EIPR1: variants seen among roughly 807,000 people sequenced by gnomAD.
EIPR1 encodes EARP complex and GARP complex interacting protein 1, also known as EARP and GARP complex-interacting protein 1.
EIPR1 carries 25 observed loss-of-function variants against 48.1 expected under a neutral mutation model. The ratio of observed to expected loss-of-function variants is 0.52; its 90% CI spans 0.38 to 0.73. The LOEUF is 0.73. Among genes scored for constraint, EIPR1 ranks in the 30% least tolerant of loss-of-function variants. The pLI, the probability that EIPR1 is intolerant of heterozygous loss-of-function variation, is 0.00. For missense variants in EIPR1, 415 were observed against 506.2 expected (o/e 0.82, Z 1.73); for synonymous variants, 204 against 201.9 (o/e 1.01, Z -0.09).
chr2:3,362,587 A>T (rs1450681360), intron 1 of EIPR1, among the ~76,000 whole-genome samples: 1 of 151,442 alleles, frequency 6.6e-6, no homozygotes, highest in African/African-American at 2.4e-5. Context: ...ATCACACAAA[A>T]GCAGGAAGAA....
At chr2:3,214,470 G>A in intron 4 of EIPR1, 1 of 436,104 alleles carries the variant, frequency 2.3e-6, no homozygotes, top group Non-Finnish European at 4.2e-6. Context: ...ATGTGTGGAA[G>A]TCCTAGCCCC....
chr2:3,306,575 C>G (rs1312113457), intron 3 of EIPR1, among the ~76,000 whole-genome samples: 1 of 152,140 alleles, frequency 6.6e-6, no homozygotes, highest in Non-Finnish European at 1.5e-5. Flanking sequence ...AGTAGATTAA[C>G]ATATTTTGTA....
intron 4 of EIPR1, among the ~76,000 whole-genome samples, chr2:3,229,517 TG>T (rs1666171051): frequency 6.6e-6 from 1 of 152,262 alleles, no homozygotes; most frequent in Non-Finnish European, 1.5e-5. Flanking sequence ...GATTAGCAGA[TG>T]TTTTATCACC....
At chr2:3,345,198 G>A (rs1670362570) in intron 2 of EIPR1, among the ~76,000 whole-genome samples, 1 of 152,182 alleles carries the variant, frequency 6.6e-6, no homozygotes, top group South Asian at 2.1e-4. Flanking sequence ...TCTGGTAGCA[G>A]AGAACGGGGC....
At chr2:3,223,486 G>A (rs576045058) in intron 4 of EIPR1, among the ~76,000 whole-genome samples, 2 of 152,254 alleles carry the variant, frequency 1.3e-5, no homozygotes, top group South Asian at 2.1e-4. Flanking sequence ...AATTCATCCC[G>A]CCCCCTCTGA....
At chr2:3,310,769 T>C (rs1297578227) in intron 3 of EIPR1, among the ~76,000 whole-genome samples, 1 of 152,028 alleles carries the variant, frequency 6.6e-6, no homozygotes, top group Non-Finnish European at 1.5e-5. Context: ...GGTACAGTTG[T>C]ACTTGTGTAT....
intron 3 of EIPR1, among the ~76,000 whole-genome samples, chr2:3,298,757 G>A (rs1401789200): frequency 6.6e-6 from 1 of 152,106 alleles, no homozygotes; most frequent in African/African-American, 2.4e-5. Flanking sequence ...TCTCCATGAG[G>A]GAAGGAACCC....
intron 4 of EIPR1, among the ~76,000 whole-genome samples, chr2:3,255,597 C>A (rs34826764): frequency 0.11 from 16,303 of 152,196 alleles, 909 homozygotes; most frequent in African/African-American, 0.14. Flanking sequence ...ACAGTGTCTG[C>A]ACAAGGTGGG....
At chr2:3,354,144 T>G (rs1281885842) in intron 2 of EIPR1, among the ~76,000 whole-genome samples, 2 of 152,130 alleles carry the variant, frequency 1.3e-5, no homozygotes, top group Non-Finnish European at 2.9e-5. Context: ...ACAGATCAAG[T>G]GGCCTGGGTC....
At chr2:3,294,986 CACACA>C (rs1668503117) in intron 3 of EIPR1, among the ~76,000 whole-genome samples, 4 of 71,066 alleles carry the variant, frequency 5.6e-5, no homozygotes, top group African/African-American at 5.9e-5. Context: ...ATCCTCTCTA[CACACA>C]CACACACACA....
At chr2:3,370,401 G>A (rs1434558040) in intron 1 of EIPR1, among the ~76,000 whole-genome samples, 6 of 152,076 alleles carry the variant, frequency 3.9e-5, no homozygotes, top group East Asian at 1.9e-4. Context: ...TGACTTTGAC[G>A]AGTTGAGAGA....
intron 3 of EIPR1, among the ~76,000 whole-genome samples, chr2:3,321,778 T>C (rs1642932237): frequency 6.6e-6 from 1 of 152,162 alleles, no homozygotes; most frequent in African/African-American, 2.4e-5. Flanking sequence ...AGGAACCCTC[T>C]AGTTCAGCAC....
rs533977302 is a variant in EIPR1, at chr2:3,339,677, G to A, written c.127-1528C>T. On this transcript the variant is annotated intron_variant, in intron 2 of 8. Coordinates refer to ENST00000382125, the MANE Select transcript of EIPR1 (RefSeq NM_003310.5). ...AAAGTGAGTGGCATGGGCTGGGCGC[G>A]GTGGCTCACGCCTGTAATTGTAGCA... 1.1e-4 allele frequency among the ~76,000 whole-genome samples: 17 copies of A among 152,030 alleles called. No individual in the cohort carries two copies. The East Asian group carries it at 2.5e-3, about 22-fold the overall frequency.
intron 3 of EIPR1, among the ~76,000 whole-genome samples, chr2:3,299,469 C>T (rs967254010): frequency 4.6e-5 from 7 of 152,170 alleles, no homozygotes. Context: ...CGAATATCTC[C>T]TTCTCTTAGG....
intron 3 of EIPR1, among the ~76,000 whole-genome samples, chr2:3,322,973 A>G (rs1669580421): frequency 6.6e-6 from 1 of 152,192 alleles, no homozygotes; most frequent in South Asian, 2.1e-4. Flanking sequence ...GCCACAGCCA[A>G]TATATAAGCG....
At chr2:3,238,633 A>C (rs755709144) in intron 4 of EIPR1, among the ~76,000 whole-genome samples, 4 of 152,224 alleles carry the variant, frequency 2.6e-5, no homozygotes, top group Non-Finnish European at 5.9e-5. Context: ...GGAAGCGTCC[A>C]ATGTGGAAAA....
intron 6 of EIPR1, among the ~76,000 whole-genome samples, chr2:3,195,378 G>C (rs1413177958): frequency 6.6e-6 from 1 of 152,180 alleles, no homozygotes; most frequent in East Asian, 1.9e-4. Flanking sequence ...TCTGTGCCTT[G>C]TAATTTGCTT....
intron 5 of EIPR1, among the ~76,000 whole-genome samples, chr2:3,209,520 A>G (rs1298118322): frequency 6.6e-6 from 1 of 152,204 alleles, no homozygotes; most frequent in Non-Finnish European, 1.5e-5. Flanking sequence ...CGTCACTGTC[A>G]AACGCACAGC....
intron 1 of EIPR1, among the ~76,000 whole-genome samples, chr2:3,360,415 AAAAGAAAG>A (rs540894721): frequency 6.0e-5 from 9 of 150,250 alleles, no homozygotes; most frequent in Admixed American, 6.0e-4. Flanking sequence ...AAAAAAAAAA[AAAAGAAAG>A]AAAGAAAGAA....
Sources: gnomAD v4.1 joint callset for allele counts (sites outside exome capture counted in the v4.1 genomes callset) on GRCh38, gnomAD v4.1.1 for gene constraint, MANE v1.5 for transcripts, NCBI Gene and HGNC (gene_info 2026-07-23, HGNC 2026-07-21) for gene names.